The following GALNT2 variants were observed in gnomAD, a reference collection of about 807,000 sequenced individuals.
GALNT2 encodes polypeptide N-acetylgalactosaminyltransferase 2.
GALNT2 carries 31 observed loss-of-function variants against 81.4 expected under a neutral mutation model. The observed-to-expected ratio is 0.38, with a 90% confidence interval of 0.29 to 0.51. The LOEUF (loss-of-function observed/expected upper bound fraction) is 0.51, where lower values mean the gene tolerates loss of function less well. Ranked by LOEUF, GALNT2 falls within the 20% of genes least tolerant of loss-of-function variation. The pLI, the probability that GALNT2 is intolerant of heterozygous loss-of-function variation, is 0.87. For synonymous variants in GALNT2, 303 were observed against 287.4 expected, an observed-to-expected ratio of 1.05 and a Z score of -0.55; for missense variants, 629 against 765.7, an observed-to-expected ratio of 0.82 and a Z score of 2.11.
chr1:230,092,731 T>C (rs1660131995), intron 1 of GALNT2, among the ~76,000 whole-genome samples: 1 of 152,222 alleles, frequency 6.6e-6, no homozygotes, highest in South Asian at 2.1e-4. Flanking sequence ...ATTACGTGTT[T>C]AAGCAACATA....
At chr1:230,170,877 C>T (rs886757893) in intron 1 of GALNT2, among the ~76,000 whole-genome samples, 3 of 152,276 alleles carry the variant, frequency 2.0e-5, no homozygotes, top group Admixed American at 6.5e-5. Context: ...ACCCCCATGA[C>T]GCAAACACCC....
At chr1:230,072,215 ACTGCT>A (rs994986001) in intron 1 of GALNT2, among the ~76,000 whole-genome samples, 45 of 152,222 alleles carry the variant, frequency 3.0e-4, no homozygotes, top group African/African-American at 1.1e-3. Flanking sequence ...TCTTCTTGCT[ACTGCT>A]CATGTTTCTT....
chr1:230,109,751 C>T (rs1660648305), intron 1 of GALNT2, among the ~76,000 whole-genome samples: 1 of 151,842 alleles, frequency 6.6e-6, no homozygotes, highest in South Asian at 2.1e-4. Flanking sequence ...TCACTTGAAC[C>T]TGGGAGGCGG....
At chr1:230,100,883 G>T (rs898827438) in intron 1 of GALNT2, among the ~76,000 whole-genome samples, 1 of 152,144 alleles carries the variant, frequency 6.6e-6, no homozygotes, top group Admixed American at 6.5e-5. Flanking sequence ...GTACACATGC[G>T]TATACAGTCA....
chr1:230,197,855 C>T (rs1340025378), intron 2 of GALNT2, among the ~76,000 whole-genome samples: 4 of 152,222 alleles, frequency 2.6e-5, no homozygotes, highest in South Asian at 2.1e-4. Context: ...TTGGCCTGGA[C>T]CCCTGTTGGC....
intron 3 of GALNT2, among the ~76,000 whole-genome samples, chr1:230,218,681 CA>C (rs953439795): frequency 3.9e-4 from 59 of 152,348 alleles, no homozygotes; most frequent in African/African-American, 1.3e-3. Context: ...AGAAGTTACA[CA>C]GTTGAGATTG....
intron 2 of GALNT2, among the ~76,000 whole-genome samples, chr1:230,185,002 C>T (rs1452621764): frequency 6.6e-6 from 1 of 152,088 alleles, no homozygotes; most frequent in East Asian, 1.9e-4. Context: ...TTTTCCTCAG[C>T]ATGTCATGTC....
intron 1 of GALNT2, among the ~76,000 whole-genome samples, chr1:230,088,952 G>C (rs4846831): frequency 6.6e-6 from 1 of 151,978 alleles, no homozygotes; most frequent in Non-Finnish European, 1.5e-5. Context: ...TACTTTCTGC[G>C]TCTGTGGATT....
intron 1 of GALNT2, among the ~76,000 whole-genome samples, chr1:230,083,295 A>T (rs546167229): frequency 2.2e-5 from 3 of 138,338 alleles, no homozygotes; most frequent in Admixed American, 1.5e-4. Context: ...ATGTTGGAGC[A>T]GGCAGCCAGG....
chr1:230,212,748 G>C (rs1263309280), intron 3 of GALNT2, among the ~76,000 whole-genome samples: 1 of 152,168 alleles, frequency 6.6e-6, no homozygotes, highest in Non-Finnish European at 1.5e-5. Flanking sequence ...ATTCATCAGC[G>C]TGCTTGTTTA....
intron 1 of GALNT2, among the ~76,000 whole-genome samples, chr1:230,154,841 C>T (rs1015967639): frequency 6.6e-6 from 1 of 152,160 alleles, no homozygotes; most frequent in Non-Finnish European, 1.5e-5. Context: ...GTTTGTAGTA[C>T]TTTATTATGG....
intron 1 of GALNT2, among the ~76,000 whole-genome samples, chr1:230,119,078 A>G (rs1660935393): frequency 6.6e-6 from 1 of 152,220 alleles, no homozygotes; most frequent in Admixed American, 6.5e-5. Context: ...AAGGGCATCC[A>G]TATTTAATTA....
chr1:230,171,863 A>G (rs1662805089), intron 1 of GALNT2, among the ~76,000 whole-genome samples: 2 of 152,054 alleles, frequency 1.3e-5, no homozygotes, highest in Admixed American at 6.6e-5. Flanking sequence ...ATGAAGCCAC[A>G]TTTTTGCTGC....
intron 3 of GALNT2, among the ~76,000 whole-genome samples, chr1:230,231,557 C>A (rs1000382381): frequency 6.6e-6 from 1 of 152,180 alleles, no homozygotes; most frequent in Non-Finnish European, 1.5e-5. Flanking sequence ...CTTGATCAAG[C>A]CCAGGTATAA....
Position 230,274,468 on chromosome 1 carries a change from G to A in GALNT2, c.1464G>A (p.Lys488=). The A allele has an allele frequency of 1.2e-6, 2 of 1,613,720 alleles. No individual in the cohort carries two copies. The highest frequency in any genetic ancestry group is 2.2e-5 in the East Asian group (1 of 44,880). Residue 488 remains lysine, a synonymous_variant, in exon 15 of 16, where the codon AAG becomes AAA. Coordinates refer to ENST00000366672, the MANE Select transcript of GALNT2 (RefSeq NM_004481.5). ...GNQEWALTKE[K]SVKHMDLCLT... ...AGGAATGGGCCTTGACGAAGGAGAA[G>A]TCGGTGAAGCACATGGATTTGTGCC...
chr1:230,067,354 C>A lies in GALNT2; in HGVS notation c.74C>A (p.Ser25Ter). The A allele has an allele frequency of 7.3e-7, 1 of 1,369,034 alleles. No homozygotes were observed. The highest frequency in any genetic ancestry group is 2.7e-5 in the Admixed American group (1 of 36,674). 84.8% of individuals were successfully genotyped at this position (1,369,034 alleles called of 1,614,324 possible). ...WVLGIAYYMY[S>*]GGGSALAGGA... ...CTGGGCATCGCCTACTACATGTACT[C>A]GGGGGGCGGCTCTGCGCTGGCCGGG... The change falls in exon 1 of 16, where the codon TCG becomes TAG. Residue 25 changes from serine to a stop codon, truncating the protein, a stop_gained. Transcript: ENST00000366672. LOFTEE classifies it high-confidence loss of function.
chr1:230,258,777 A>ACC (rs1665793115), intron 11 of GALNT2: 2 of 152,246 alleles, frequency 1.3e-5, no homozygotes, highest in South Asian at 4.1e-4. Context: ...AAATATGGAT[A>ACC]TATGTGCTTT....
intron 1 of GALNT2, among the ~76,000 whole-genome samples, chr1:230,153,677 A>G (rs1412119785): frequency 1.3e-5 from 2 of 152,166 alleles, no homozygotes; most frequent in African/African-American, 4.8e-5. Context: ...ATTCCAACCC[A>G]GAGGTCTCAG....
intron 1 of GALNT2, among the ~76,000 whole-genome samples, chr1:230,137,166 T>C (rs974177052): frequency 1.3e-5 from 2 of 152,184 alleles, no homozygotes; most frequent in East Asian, 1.9e-4. Flanking sequence ...GGGAGCCAAA[T>C]AGTGCTTTTC....
Sources: allele counts gnomAD v4.1 joint callset (sites outside exome capture counted in the v4.1 genomes callset), GRCh38; gene constraint gnomAD v4.1.1; transcripts MANE v1.5; gene names NCBI Gene and HGNC (gene_info 2026-07-23, HGNC 2026-07-21).